ARHGAP26: variants seen among roughly 807,000 people sequenced by gnomAD.
ARHGAP26 encodes the protein rho GTPase-activating protein 26.
A neutral mutation model predicts 104.8 loss-of-function variants in ARHGAP26; 38 were observed. The ratio of observed to expected loss-of-function variants is 0.36; its 90% CI spans 0.28 to 0.48. The LOEUF (loss-of-function observed/expected upper bound fraction) is 0.48, where lower values mean the gene tolerates loss of function less well. Among genes scored for constraint, ARHGAP26 ranks in the 20% least tolerant of loss-of-function variants. ARHGAP26 has a pLI of 0.99. For synonymous variants in ARHGAP26, 341 were observed against 340.0 expected (o/e 1.00, Z -0.03); for missense variants, 704 against 947.9 (o/e 0.74, Z 3.38).
chr5:143,012,879 C>A (rs972582433), intron 11 of ARHGAP26, among the ~76,000 whole-genome samples: 2 of 151,864 alleles, frequency 1.3e-5, no homozygotes, highest in Non-Finnish European at 2.9e-5. Flanking sequence ...TGGTCTCGAT[C>A]TCCTGACCTC....
chr5:142,933,259 T>A (rs1347222625), intron 11 of ARHGAP26, among the ~76,000 whole-genome samples: 6 of 152,198 alleles, frequency 3.9e-5, no homozygotes. Context: ...TTATCTACCA[T>A]TTGTTGAGCA....
intron 11 of ARHGAP26, among the ~76,000 whole-genome samples, chr5:142,981,882 A>C (rs538105724): frequency 2.0e-5 from 3 of 152,196 alleles, no homozygotes; most frequent in Non-Finnish European, 4.4e-5. Flanking sequence ...CGACTCAGTG[A>C]AAGGCTTCCA....
At chr5:143,067,505 C>A (rs1787671112) in intron 17 of ARHGAP26, among the ~76,000 whole-genome samples, 1 of 152,180 alleles carries the variant, frequency 6.6e-6, no homozygotes, top group Non-Finnish European at 1.5e-5. Flanking sequence ...AGGGCTTGAA[C>A]AAAAGTTCAG....
chr5:142,843,253 T>C (rs989618216), intron 1 of ARHGAP26, among the ~76,000 whole-genome samples: 1 of 152,208 alleles, frequency 6.6e-6, no homozygotes, highest in Admixed American at 6.5e-5. Context: ...GCTGCTGCTG[T>C]TGCTTCCCAA....
At chr5:142,826,093 G>C (rs915018391) in intron 1 of ARHGAP26, among the ~76,000 whole-genome samples, 1 of 152,248 alleles carries the variant, frequency 6.6e-6, no homozygotes, top group African/African-American at 2.4e-5. Context: ...TCTCACGAGA[G>C]TGTTAATGAC....
chr5:143,062,924 A>G (rs569623149), intron 17 of ARHGAP26, among the ~76,000 whole-genome samples: 1 of 152,390 alleles, frequency 6.6e-6, no homozygotes, highest in East Asian at 1.9e-4. Context: ...AAATAGCCGT[A>G]GAATTTTACA....
intron 9 of ARHGAP26, among the ~76,000 whole-genome samples, chr5:142,910,695 C>T (rs772805616): frequency 8.5e-5 from 13 of 152,102 alleles, no homozygotes; most frequent in Non-Finnish European, 1.5e-4. Context: ...CCCAAGATGG[C>T]GCCATTGCAT....
At chr5:143,198,422 T>A (rs765134584) in intron 20 of ARHGAP26, among the ~76,000 whole-genome samples, 8 of 152,216 alleles carry the variant, frequency 5.3e-5, no homozygotes, top group Non-Finnish European at 1.2e-4. Flanking sequence ...AATGCGGTAT[T>A]GGAAAAGATT....
intron 11 of ARHGAP26, among the ~76,000 whole-genome samples, chr5:142,947,710 CTT>C (rs938714480): frequency 2.6e-5 from 4 of 152,064 alleles, no homozygotes; most frequent in African/African-American, 9.7e-5. Flanking sequence ...TGTTGAATGT[CTT>C]GGGTTTTGTT....
chr5:143,016,124 G>C (rs950301715), intron 12 of ARHGAP26, among the ~76,000 whole-genome samples: 1 of 152,164 alleles, frequency 6.6e-6, no homozygotes, highest in Non-Finnish European at 1.5e-5. Context: ...GAACCAGAGA[G>C]GGCTGGATCT....
chr5:142,963,125 A>G (rs1245148635), intron 11 of ARHGAP26, among the ~76,000 whole-genome samples: 1 of 148,294 alleles, frequency 6.7e-6, no homozygotes. Flanking sequence ...CACAAAGGGC[A>G]TAATCTCATT....
intron 1 of ARHGAP26, among the ~76,000 whole-genome samples, chr5:142,800,613 C>T (rs1269925748): frequency 6.6e-6 from 1 of 152,206 alleles, no homozygotes; most frequent in Non-Finnish European, 1.5e-5. Flanking sequence ...TCCACCCACT[C>T]AGCCTCCCAA....
At chr5:142,814,520 A>G (rs1352460689) in intron 1 of ARHGAP26, among the ~76,000 whole-genome samples, 2 of 152,230 alleles carry the variant, frequency 1.3e-5, no homozygotes, top group African/African-American at 4.8e-5. Flanking sequence ...GTTCCACTGC[A>G]TTGCTTCAGA....
chr5:143,079,918 C>G (rs1456515957), intron 17 of ARHGAP26, among the ~76,000 whole-genome samples: 1 of 152,176 alleles, frequency 6.6e-6, no homozygotes, highest in Admixed American at 6.5e-5. Flanking sequence ...GGTCTTCTCC[C>G]TCTTTAAAAG....
intron 11 of ARHGAP26, among the ~76,000 whole-genome samples, chr5:142,955,127 C>CACACACACAT (rs1176238341): frequency 6.7e-6 from 1 of 149,588 alleles, no homozygotes; most frequent in South Asian, 2.1e-4. Context: ...CACACACACC[C>CACACACACAT]CCCATCTCTG....
chr5:142,870,983 A>G (rs1277869504), intron 1 of ARHGAP26, among the ~76,000 whole-genome samples: 2 of 152,204 alleles, frequency 1.3e-5, no homozygotes, highest in African/African-American at 4.8e-5. Context: ...CTGTACTGAA[A>G]AATTCCTCTA....
Position 143,043,056 on chromosome 5 carries a change from C to T in ARHGAP26, c.1285+1166C>T, listed in dbSNP as rs117621687. On this transcript the variant is annotated intron_variant, in intron 14 of 22. Coordinates refer to ENST00000645722, the MANE Select transcript of ARHGAP26 (RefSeq NM_001135608.3). ...ATAGAGATCCTGTGTACCACTTACT[C>T]AGTCTCCTCTAAAGGTAACATCTTG... is the stretch of plus-strand genomic sequence containing the variant. 2.2e-4 allele frequency among the ~76,000 whole-genome samples: 34 copies of T among 152,286 alleles called. No homozygotes were observed. In the East Asian group the frequency reaches 6.0e-3, roughly 27 times the overall value.
At chr5:142,877,206 A>T (rs547513929) in intron 3 of ARHGAP26, among the ~76,000 whole-genome samples, 1 of 152,334 alleles carries the variant, frequency 6.6e-6, no homozygotes, top group East Asian at 1.9e-4. Context: ...ATCTGGCCGT[A>T]GCAAGCCCCT....
intron 9 of ARHGAP26, among the ~76,000 whole-genome samples, chr5:142,912,413 A>G (rs1019221389): frequency 6.6e-6 from 1 of 152,206 alleles, no homozygotes; most frequent in African/African-American, 2.4e-5. Context: ...ATGTACTAGG[A>G]GGAGGGATGG....
Sources: allele counts gnomAD v4.1 joint callset (sites outside exome capture counted in the v4.1 genomes callset), GRCh38; gene constraint gnomAD v4.1.1; transcripts MANE v1.5; gene names NCBI Gene and HGNC (gene_info 2026-07-23, HGNC 2026-07-21).